The following LAMC1 variants were observed in gnomAD, a reference collection of about 807,000 sequenced individuals.
The protein encoded by LAMC1 is laminin subunit gamma 1, also known as laminin subunit gamma-1.
Under a neutral mutation model 173.6 loss-of-function variants are expected in LAMC1, and 38 were observed. The observed-to-expected ratio is 0.22, with a 90% CI of 0.17 to 0.29. The LOEUF is 0.29. LAMC1 is among the 10% of genes least tolerant of loss of function. The pLI, the probability that LAMC1 is intolerant of heterozygous loss-of-function variation, is 1.00. For synonymous variants in LAMC1, 746 were observed against 749.1 expected (o/e 1.00, Z 0.07); for missense variants, 1,824 against 2,051.8 (o/e 0.89, Z 2.14).
At chr1:183,118,866 T>C (rs753750998) in intron 11 of LAMC1, among the ~76,000 whole-genome samples, 3 of 152,208 alleles carry the variant, frequency 2.0e-5, no homozygotes, top group South Asian at 2.1e-4. Context: ...TGAATGATTT[T>C]GTTATAATTT....
chr1:183,065,866 G>A (rs1654861962), intron 1 of LAMC1, among the ~76,000 whole-genome samples: 1 of 152,188 alleles, frequency 6.6e-6, no homozygotes. Flanking sequence ...ATAAATTCCA[G>A]CTATGCCATT....
chr1:183,028,743 ACTT>A (rs554618187), intron 1 of LAMC1, among the ~76,000 whole-genome samples: 2 of 152,176 alleles, frequency 1.3e-5, no homozygotes, highest in Non-Finnish European at 2.9e-5. Flanking sequence ...TCTTCTGCAT[ACTT>A]CTTTTTATTT....
intron 1 of LAMC1, among the ~76,000 whole-genome samples, chr1:183,036,890 C>G (rs549858712): frequency 6.6e-6 from 1 of 152,184 alleles, no homozygotes; most frequent in African/African-American, 2.4e-5. Context: ...ATTCTTCTGT[C>G]TCAGCCTCCT....
intron 16 of LAMC1, 128 bp from the exon 17 acceptor site, chr1:183,127,098 G>A: frequency 2.7e-6 from 2 of 744,758 alleles, no homozygotes; most frequent in Non-Finnish European, 4.1e-6. Flanking sequence ...CTCATAAATA[G>A]TCCTGTTTTT....
intron 1 of LAMC1, among the ~76,000 whole-genome samples, chr1:183,066,913 A>G (rs545083143): frequency 3.3e-5 from 5 of 152,178 alleles, no homozygotes; most frequent in African/African-American, 1.2e-4. Context: ...TTGTGTACCT[A>G]TGTAACAAAC....
At position 183,081,089 on chromosome 1, in the gene LAMC1, A is replaced by G. The variant is rs116258643; in HGVS notation, c.419-22239A>G. Among the ~76,000 whole-genome samples the G allele has an allele frequency of 9.2e-3, 1,387 of 151,584 alleles. 18 individuals carry two copies. Among genetic ancestry groups the G allele is most frequent in the Non-Finnish European group, 9.6e-3 (651 of 67,858 alleles). ...TTCTTAGTAGAGATGGGATTTCACT[A>G]TCTTGGCCAGGCTGGTCTTGAACCC... On this transcript the variant is annotated intron_variant, in intron 1 of 27. Coordinates refer to ENST00000258341, the MANE Select transcript of LAMC1 (RefSeq NM_002293.4).
chr1:183,131,486 CA>C, intron 20 of LAMC1, 108 bp downstream of exon 20: 1 of 708,964 alleles, frequency 1.4e-6, no homozygotes, highest in South Asian at 2.1e-5. Context: ...AACCCATAAA[CA>C]CTTTCTACAT....
chr1:183,101,298 A>G (rs1655828113), intron 1 of LAMC1, among the ~76,000 whole-genome samples: 1 of 151,974 alleles, frequency 6.6e-6, no homozygotes, highest in Non-Finnish European at 1.5e-5. Context: ...AATGCCACAG[A>G]TACTGTACTA....
chr1:183,043,125 G>A (rs994382250), intron 1 of LAMC1, among the ~76,000 whole-genome samples: 1 of 152,124 alleles, frequency 6.6e-6, no homozygotes, highest in African/African-American at 2.4e-5. Context: ...GAAGGCAGCT[G>A]TGAATCATGT....
intron 8 of LAMC1, 24 bp from the exon 9 acceptor site, chr1:183,117,296 T>A (rs768493939): frequency 1.3e-6 from 2 of 1,594,030 alleles, no homozygotes; most frequent in African/African-American, 1.3e-5. Context: ...GTAAAGTGCT[T>A]GTGTTTTCCT....
chr1:183,116,529 G>C lies in LAMC1; in HGVS notation c.1329-48G>C, dbSNP rs1363673749. 2.3e-6 allele frequency: 3 copies of C among 1,293,136 alleles called. No individual in the cohort carries two copies. In the Admixed American group the frequency reaches 6.0e-5, roughly 26 times the overall value. The allele number at this position is 1,293,136 out of a possible 1,614,324, so 80.1% of individuals were successfully genotyped here. On this transcript the variant is annotated intron_variant, in intron 6 of 27. Coordinates refer to ENST00000258341, the MANE Select transcript of LAMC1 (RefSeq NM_002293.4). ...AAACAAAGGGCTGACTTGAAGAGTG[G>C]AAGTTTTCTCCCTTCTCTGATTGTT...
intron 1 of LAMC1, among the ~76,000 whole-genome samples, chr1:183,100,824 GCTCCCT>G (rs1174799004): frequency 6.6e-6 from 1 of 152,176 alleles, no homozygotes. Flanking sequence ...CTGCCACAGA[GCTCCCT>G]CATTTCCAGC....
intron 1 of LAMC1, among the ~76,000 whole-genome samples, chr1:183,097,162 C>G (rs1655716227): frequency 6.6e-6 from 1 of 152,208 alleles, no homozygotes; most frequent in South Asian, 2.1e-4. Flanking sequence ...TTTCAGCCAG[C>G]AGTTATGCTA....
At chr1:183,120,748 A>G (rs936521302) in intron 11 of LAMC1, among the ~76,000 whole-genome samples, 2 of 152,216 alleles carry the variant, frequency 1.3e-5, no homozygotes, top group African/African-American at 4.8e-5. Context: ...AGAAATGGAA[A>G]AGCATTGAGC....
chr1:183,055,686 C>T (rs531119942), intron 1 of LAMC1, among the ~76,000 whole-genome samples: 77 of 152,148 alleles, frequency 5.1e-4, no homozygotes, highest in Non-Finnish European at 9.3e-4. Context: ...GTGTCGTGCA[C>T]CTGTAGTTGC....
Position 183,083,485 on chromosome 1 carries a change from A to C in LAMC1, c.419-19843A>C, listed in dbSNP as rs1655341474. Among the ~76,000 whole-genome samples, 3 of 152,228 alleles carry C rather than the reference A, an allele frequency of 2.0e-5. No homozygotes were observed. In the South Asian group the frequency reaches 6.2e-4, roughly 32 times the overall value. On this transcript the variant is annotated intron_variant, in intron 1 of 27. Transcript: ENST00000258341. ...TGAAACTTTGGTATAGGTACTGCTC[A>C]GTTAAATGTAGGTCATTCTCACACA...
chr1:183,030,387 T>C (rs1653819224), intron 1 of LAMC1, among the ~76,000 whole-genome samples: 1 of 152,210 alleles, frequency 6.6e-6, no homozygotes, highest in Non-Finnish European at 1.5e-5. Flanking sequence ...GGGTGGAGGC[T>C]GGAGGCATTC....
At chr1:183,113,332 C>T (rs1046220506) in intron 4 of LAMC1, among the ~76,000 whole-genome samples, 8 of 152,006 alleles carry the variant, frequency 5.3e-5, no homozygotes, top group African/African-American at 1.5e-4. Flanking sequence ...AAAATGTGTT[C>T]ATGATTTTGG....
At chr1:183,081,179 C>T (rs778737588) in intron 1 of LAMC1, among the ~76,000 whole-genome samples, 3 of 152,136 alleles carry the variant, frequency 2.0e-5, no homozygotes, top group Non-Finnish European at 2.9e-5. Flanking sequence ...TCAGCCACCG[C>T]GCCCGGCCTG....
Sources: gnomAD v4.1 joint callset for allele counts (sites outside exome capture counted in the v4.1 genomes callset) on GRCh38, gnomAD v4.1.1 for gene constraint, MANE v1.5 for transcripts, NCBI Gene and HGNC (gene_info 2026-07-23, HGNC 2026-07-21) for gene names.